Variants in CFAP299 observed in about 807,000 individuals in gnomAD.
The protein encoded by CFAP299 is cilia- and flagella-associated protein 299.
A neutral mutation model predicts 27.0 loss-of-function variants in CFAP299; 21 were observed. The ratio of observed to expected loss-of-function variants is 0.78; its 90% CI spans 0.55 to 1.12. The LOEUF (loss-of-function observed/expected upper bound fraction) is 1.12. Ranked by LOEUF, CFAP299 falls within the 50% of genes most tolerant of loss-of-function variation. CFAP299 has a pLI of 0.00. For missense variants in CFAP299, 310 were observed against 276.6 expected, an observed-to-expected ratio of 1.12 and a Z score of -0.86; for synonymous variants, 104 against 98.1, an observed-to-expected ratio of 1.06 and a Z score of -0.36.
chr4:80,804,227 G>C (rs1250021061), intron 3 of CFAP299, among the ~76,000 whole-genome samples: 1 of 152,010 alleles, frequency 6.6e-6, no homozygotes, highest in Non-Finnish European at 1.5e-5. Context: ...ATCCATCTAC[G>C]TAACTCATTT....
intron 3 of CFAP299, among the ~76,000 whole-genome samples, chr4:80,702,360 C>T (rs1213906883): frequency 1.3e-5 from 2 of 151,856 alleles, no homozygotes; most frequent in African/African-American, 4.8e-5. Flanking sequence ...ACCTATGGCA[C>T]AGAAAATTTC....
chr4:80,474,526 A>G (rs892641812), intron 2 of CFAP299, among the ~76,000 whole-genome samples: 1 of 152,186 alleles, frequency 6.6e-6, no homozygotes, highest in African/African-American at 2.4e-5. Context: ...CTTTAAGATG[A>G]TTTTCCACAT....
intron 4 of CFAP299, among the ~76,000 whole-genome samples, chr4:80,926,285 TAC>T (rs554740806): frequency 6.2e-4 from 94 of 152,138 alleles, no homozygotes; most frequent in Non-Finnish European, 9.9e-4. Flanking sequence ...TGTGCTAAGC[TAC>T]AGAGTGTGTC....
chr4:80,875,962 G>C (rs1226121098), intron 4 of CFAP299, among the ~76,000 whole-genome samples: 3 of 151,834 alleles, frequency 2.0e-5, no homozygotes, highest in Non-Finnish European at 4.4e-5. Flanking sequence ...TCAGCCCTTG[G>C]TCTCCCTCAG....
At chr4:80,915,095 T>G (rs1035642548) in intron 4 of CFAP299, among the ~76,000 whole-genome samples, 3 of 152,032 alleles carry the variant, frequency 2.0e-5, no homozygotes, top group Admixed American at 6.6e-5. Context: ...ATTCTAAAAT[T>G]TGTTATATAT....
chr4:80,447,130 G>GTTTTTTTTTT (rs1553923883), intron 2 of CFAP299, among the ~76,000 whole-genome samples: 46 of 105,224 alleles, frequency 4.4e-4, no homozygotes, highest in African/African-American at 1.1e-3. Flanking sequence ...TTTTTTTTTT[G>GTTTTTTTTTT]TTTTTTTTTT....
At chr4:80,708,544 G>A (rs1029530378) in intron 3 of CFAP299, among the ~76,000 whole-genome samples, 1 of 152,010 alleles carries the variant, frequency 6.6e-6, no homozygotes, top group Non-Finnish European at 1.5e-5. Context: ...ATTTTTCTTA[G>A]AAGGTATGCT....
intron 1 of CFAP299, among the ~76,000 whole-genome samples, chr4:80,352,473 A>G (rs542054430): frequency 6.6e-6 from 1 of 152,336 alleles, no homozygotes; most frequent in Non-Finnish European, 1.5e-5. Flanking sequence ...AGACTGAGGC[A>G]GGAGAATCCC....
chr4:80,952,497 G>A (rs1481203424), intron 5 of CFAP299, among the ~76,000 whole-genome samples: 1 of 151,958 alleles, frequency 6.6e-6, no homozygotes, highest in Non-Finnish European at 1.5e-5. Context: ...CCAGGGTAAC[G>A]GCAATGTGTT....
intron 3 of CFAP299, among the ~76,000 whole-genome samples, chr4:80,610,369 T>G (rs566198058): frequency 6.6e-6 from 1 of 152,138 alleles, no homozygotes; most frequent in South Asian, 2.1e-4. Flanking sequence ...AATATTCACA[T>G]TTAAGAAAGC....
chr4:80,422,230 A>T (rs2110070706), intron 2 of CFAP299, among the ~76,000 whole-genome samples: 1 of 152,320 alleles, frequency 6.6e-6, no homozygotes. Context: ...CATAGTGTGA[A>T]TACTTAACAA....
chr4:80,615,539 T>C (rs1738226936), intron 3 of CFAP299, among the ~76,000 whole-genome samples: 1 of 121,162 alleles, frequency 8.3e-6, no homozygotes, highest in Non-Finnish European at 1.8e-5. Context: ...CTTTCTTTCT[T>C]TTTTTTTTTC....
intron 2 of CFAP299, among the ~76,000 whole-genome samples, chr4:80,417,747 C>G (rs891709416): frequency 2.0e-5 from 3 of 152,148 alleles, no homozygotes; most frequent in African/African-American, 7.2e-5. Context: ...CCCCACTATT[C>G]TATGGCTTCC....
rs1304334042 is a variant in CFAP299 at position 80,386,473 on chromosome 4, C to T, written c.242+23589C>T. ...GTCACCACCTTGCGCCCACCACTGC[C>T]GCCACGGCGCGGGGCTGCCCTCTTC... is the stretch of plus-strand genomic sequence containing the variant. On this transcript the variant is annotated intron_variant, in intron 2 of 5. Transcript: ENST00000358105. The T allele has an allele frequency of 1.6e-5, 24 of 1,536,696 alleles. No homozygotes were observed. The Admixed American group carries it at 2.9e-4, about 18-fold the overall frequency.
intron 2 of CFAP299, among the ~76,000 whole-genome samples, chr4:80,422,040 G>A (rs1192688324): frequency 3.9e-5 from 6 of 152,094 alleles, no homozygotes; most frequent in African/African-American, 7.2e-5. Context: ...GATAAAATAC[G>A]TGAATATGAA....
intron 3 of CFAP299, among the ~76,000 whole-genome samples, chr4:80,853,277 C>T (rs765303703): frequency 3.9e-5 from 6 of 152,106 alleles, no homozygotes; most frequent in East Asian, 1.9e-4. Flanking sequence ...GTGATTCACC[C>T]GCCTCGACCT....
chr4:80,791,812 A>T (rs1017688801), intron 3 of CFAP299, among the ~76,000 whole-genome samples: 9 of 151,850 alleles, frequency 5.9e-5, no homozygotes, highest in African/African-American at 2.2e-4. Flanking sequence ...TTGAGACCAT[A>T]TTCCCTCACA....
intron 2 of CFAP299, among the ~76,000 whole-genome samples, chr4:80,580,234 CT>C (rs1736095436): frequency 6.6e-6 from 1 of 152,028 alleles, no homozygotes; most frequent in African/African-American, 2.4e-5. Flanking sequence ...GATTTACATT[CT>C]CATGAGGTGA....
intron 3 of CFAP299, among the ~76,000 whole-genome samples, chr4:80,618,610 A>C (rs150230906): frequency 1.3e-5 from 2 of 152,236 alleles, no homozygotes; most frequent in Non-Finnish European, 2.9e-5. Flanking sequence ...CATACGTAAA[A>C]ATCATATAAA....
Sources: gnomAD v4.1 joint callset for allele counts (sites outside exome capture counted in the v4.1 genomes callset) on GRCh38, gnomAD v4.1.1 for gene constraint, MANE v1.5 for transcripts, NCBI Gene and HGNC (gene_info 2026-07-23, HGNC 2026-07-21) for gene names.